Variants in GNG7 observed in about 807,000 individuals in gnomAD.
The protein encoded by GNG7 is guanine nucleotide-binding protein G(I)/G(S)/G(O) subunit gamma-7.
A neutral mutation model predicts 4.0 loss-of-function variants in GNG7; 1 was observed. That is an observed-to-expected ratio of 0.25 (90% CI 0.09 to 1.18). The LOEUF (loss-of-function observed/expected upper bound fraction) is 1.18, where lower values mean the gene tolerates loss of function less well. Among genes scored for constraint, GNG7 ranks in the 50% most tolerant of loss-of-function variants. GNG7 has a pLI of 0.50. For synonymous variants in GNG7, 34 were observed against 36.9 expected, an observed-to-expected ratio of 0.92 and a Z score of 0.29; for missense variants, 86 against 91.9, an observed-to-expected ratio of 0.94 and a Z score of 0.26.
rs148480294 is a variant in GNG7 at position 2,642,927 on chromosome 19, G to C, written c.-78+3297C>G. 2.5e-4 allele frequency: 102 copies of C among 416,310 alleles called. 1 individual carries two copies. The East Asian group carries it at 7.3e-3, about 30-fold the overall frequency. 25.8% of individuals were successfully genotyped at this position (416,310 alleles called of 1,614,324 possible). On this transcript the variant is annotated intron_variant, in intron 2 of 4. Transcript: ENST00000382159. ...CACCATGTGCACCGGAAATGCAGGAGACCTCTCCGGGCTCTGCACACCTTC... is the reference window on the plus strand; with the variant it reads ...CACCATGTGCACCGGAAATGCAGGACACCTCTCCGGGCTCTGCACACCTTC...
intron 2 of GNG7, among the ~76,000 whole-genome samples, chr19:2,575,813 A>G (rs1319928066): frequency 7.5e-6 from 1 of 132,966 alleles, no homozygotes; most frequent in Non-Finnish European, 1.6e-5. Context: ...ACATGCAGAC[A>G]CACGCAGGCA....
Position 2,626,933 on chromosome 19 carries a change from G to C in GNG7, c.-78+19291C>G, listed in dbSNP as rs1455359485. ...CCACAGTGCCCAGGGGGAGAGACCT[G>C]CTTTAATTATTTGGGAATAAACTGA... is the stretch of plus-strand genomic sequence containing the variant. On this transcript the variant is annotated intron_variant, in intron 2 of 4. Coordinates refer to ENST00000382159, the MANE Select transcript of GNG7 (RefSeq NM_052847.3). The surrounding 1 kb of genome is among the most constrained non-coding windows in gnomAD (Gnocchi z 5.0). 1.3e-5 allele frequency among the ~76,000 whole-genome samples: 2 copies of C among 151,682 alleles called. No homozygotes were observed. Among genetic ancestry groups the C allele is most frequent in the Non-Finnish European group, 2.9e-5 (2 of 67,928 alleles).
intron 2 of GNG7, among the ~76,000 whole-genome samples, chr19:2,580,601 TTC>T (rs1221725280): frequency 6.6e-6 from 1 of 151,542 alleles, no homozygotes; most frequent in Non-Finnish European, 1.5e-5. Context: ...CTGTGCCTGG[TTC>T]TGTTTTATTT....
chr19:2,678,287 A>G (rs1983644120), intron 1 of GNG7, among the ~76,000 whole-genome samples: 1 of 152,230 alleles, frequency 6.6e-6, no homozygotes, highest in Non-Finnish European at 1.5e-5. Context: ...GAGATATACA[A>G]GAAGTGAAAG....
chr19:2,525,543 A>G (rs1241998962), intron 3 of GNG7, among the ~76,000 whole-genome samples: 1 of 152,102 alleles, frequency 6.6e-6, no homozygotes, highest in Non-Finnish European at 1.5e-5. Flanking sequence ...AAGGGTGACC[A>G]GCCCCGAAAC....
Position 2,512,214 on chromosome 19 carries a change from C to T in GNG7, c.*2808G>A, listed in dbSNP as rs369426307. 4.7e-4 allele frequency: 468 copies of T among 985,888 alleles called. No homozygotes were observed. The African/African-American group carries it at 6.9e-3, about 15-fold the overall frequency. The allele number at this position is 985,888 out of a possible 1,614,324, so 61.1% of individuals were successfully genotyped here. On this transcript the variant is annotated 3_prime_UTR_variant, in exon 5 of 5. Coordinates refer to ENST00000382159, the MANE Select transcript of GNG7 (RefSeq NM_052847.3). This position sits in a 1 kb window ranked among gnomAD's most constrained non-coding sequence, Gnocchi z 4.7. ...AGCTCCCCGTCTGGAGGTGCACGCG[C>T]GCTCCTGGAAACGCCCATAAAACAT...
intron 2 of GNG7, among the ~76,000 whole-genome samples, chr19:2,580,629 G>T (rs567846965): frequency 1.4e-5 from 2 of 145,246 alleles, no homozygotes; most frequent in African/African-American, 2.6e-5. Context: ...TAGAGACAAG[G>T]TCTTGCTGTT....
chr19:2,661,834 A>C (rs780151504), intron 1 of GNG7, among the ~76,000 whole-genome samples: 5 of 152,148 alleles, frequency 3.3e-5, no homozygotes, highest in Non-Finnish European at 4.4e-5. Flanking sequence ...TCCAGCTCCA[A>C]TCGAGCCTTC....
chr19:2,542,216 G>C (rs1456763674), intron 3 of GNG7, among the ~76,000 whole-genome samples: 3 of 144,148 alleles, frequency 2.1e-5, no homozygotes, highest in Non-Finnish European at 4.5e-5. Flanking sequence ...CCAGGTTCAA[G>C]TGATTCTCCT....
intron 2 of GNG7, among the ~76,000 whole-genome samples, chr19:2,604,151 C>T (rs998424036): frequency 3.3e-5 from 5 of 151,424 alleles, no homozygotes; most frequent in Admixed American, 6.6e-5. Flanking sequence ...TGCCGGGTCT[C>T]GAGAAGTGCC....
In GNG7 at chr19:2,618,926, C is replaced by T. The variant is rs776500061; in HGVS notation, c.-78+27298G>A. On this transcript the variant is annotated intron_variant, in intron 2 of 4. Transcript: ENST00000382159. This position sits in a 1 kb window ranked among gnomAD's most constrained non-coding sequence, Gnocchi z 5.1. ...ATGTGGCATCTGACCGTCCCATCTC[C>T]GTGGGTTCCTCTGGGCTCTCAGTTT... Among the ~76,000 whole-genome samples, 36 of 152,228 alleles carry T rather than the reference C, an allele frequency of 2.4e-4. No homozygotes were observed. The highest frequency in any genetic ancestry group is 3.5e-4 in the Non-Finnish European group (24 of 68,018).
At chr19:2,662,941 T>A (rs1983216552) in intron 1 of GNG7, among the ~76,000 whole-genome samples, 1 of 152,066 alleles carries the variant, frequency 6.6e-6, no homozygotes, top group Non-Finnish European at 1.5e-5. Flanking sequence ...AAGACATGAC[T>A]TTGCAGATTC....
At chr19:2,561,795 C>T (rs1015959974) in intron 2 of GNG7, among the ~76,000 whole-genome samples, 2 of 151,610 alleles carry the variant, frequency 1.3e-5, no homozygotes, top group South Asian at 2.1e-4. Context: ...GCAGGAGAAT[C>T]GCTTGAACCT....
intron 2 of GNG7, among the ~76,000 whole-genome samples, chr19:2,596,774 T>C (rs1251190729): frequency 6.6e-6 from 1 of 152,116 alleles, no homozygotes; most frequent in Non-Finnish European, 1.5e-5. Flanking sequence ...AGTGGTTAAT[T>C]CTGGGGAGTG....
intron 2 of GNG7, among the ~76,000 whole-genome samples, chr19:2,589,425 G>A (rs1272231486): frequency 2.5e-5 from 3 of 122,164 alleles, no homozygotes; most frequent in Non-Finnish European, 4.9e-5. Context: ...TTGCCATGTT[G>A]AACAGGCTGG....
At chr19:2,641,615 A>T (rs1322967122) in intron 2 of GNG7, among the ~76,000 whole-genome samples, 3 of 151,544 alleles carry the variant, frequency 2.0e-5, no homozygotes, top group Non-Finnish European at 2.9e-5. Context: ...CCACACCTTG[A>T]TTTTCCATGA....
chr19:2,541,702 A>G (rs1408994891), intron 3 of GNG7, among the ~76,000 whole-genome samples: 1 of 151,482 alleles, frequency 6.6e-6, no homozygotes, highest in Non-Finnish European at 1.5e-5. Context: ...AGATCACGCC[A>G]CTGCACTCTA....
intron 2 of GNG7, among the ~76,000 whole-genome samples, chr19:2,573,171 G>A (rs928802271): frequency 6.6e-6 from 1 of 151,276 alleles, no homozygotes; most frequent in African/African-American, 2.4e-5. Flanking sequence ...GATTACAGGC[G>A]CCACCACACC....
chr19:2,532,812 G>A (rs1442101033), intron 3 of GNG7, among the ~76,000 whole-genome samples: 1 of 152,198 alleles, frequency 6.6e-6, no homozygotes, highest in Non-Finnish European at 1.5e-5. Context: ...TTGGGAGGAT[G>A]TAGAAGAACT....
Sources: allele counts gnomAD v4.1 joint callset (sites outside exome capture counted in the v4.1 genomes callset), GRCh38; gene constraint gnomAD v4.1.1; non-coding constraint Gnocchi (gnomAD v3.1); transcripts MANE v1.5; gene names NCBI Gene and HGNC (gene_info 2026-07-23, HGNC 2026-07-21).